Variants in FAM107B observed in about 807,000 individuals in gnomAD.
FAM107B encodes family with sequence similarity 107 member B, also known as protein FAM107B.
In FAM107B, 21 loss-of-function variants were observed where a neutral mutation model predicts 31.5. The ratio of observed to expected loss-of-function variants is 0.67; its 90% CI spans 0.47 to 0.96. The LOEUF (loss-of-function observed/expected upper bound fraction) is 0.96. Ranked by LOEUF, FAM107B falls within the 40% of genes least tolerant of loss-of-function variation. The probability of loss-of-function intolerance (pLI) is 0.00; values close to 1 mark genes in which losing one functional copy is unlikely to be tolerated. For synonymous variants in FAM107B, 157 were observed against 141.5 expected (o/e 1.11, Z -0.78); for missense variants, 452 against 377.1 (o/e 1.20, Z -1.64).
At position 14,683,071 on chromosome 10, in the gene FAM107B, T is replaced by A. The variant is rs976149212; in HGVS notation, c.412-15380A>T. Among the ~76,000 whole-genome samples, 5 of 152,070 alleles carry A rather than the reference T, an allele frequency of 3.3e-5. No individual in the cohort carries two copies. The East Asian group carries it at 5.8e-4, about 18-fold the overall frequency. On this transcript the variant is annotated intron_variant, in intron 1 of 4. Transcript: ENST00000181796. ...CAATGTGGGACTGGCAGGGTGAAGA[T>A]GTTGTCTAAAGGTGCAATGTGTACT...
intron 1 of FAM107B, among the ~76,000 whole-genome samples, chr10:14,681,938 G>C (rs556540327): frequency 6.6e-6 from 1 of 152,102 alleles, no homozygotes; most frequent in South Asian, 2.1e-4. Context: ...AGTCAATTGC[G>C]GGCACCTATA....
At chr10:14,585,816 C>G (rs540947961) in intron 2 of FAM107B, among the ~76,000 whole-genome samples, 2 of 152,296 alleles carry the variant, frequency 1.3e-5, no homozygotes, top group East Asian at 3.9e-4. Flanking sequence ...TCTCTGCAAC[C>G]AAGTACTCGT....
At chr10:14,719,889 T>C (rs901282362) in intron 1 of FAM107B, among the ~76,000 whole-genome samples, 1 of 152,210 alleles carries the variant, frequency 6.6e-6, no homozygotes, top group Admixed American at 6.5e-5. Context: ...CAGCTCTTCT[T>C]ATGCTGTTGT....
At chr10:14,655,778 C>T (rs1282229922) in intron 2 of FAM107B, among the ~76,000 whole-genome samples, 1 of 152,194 alleles carries the variant, frequency 6.6e-6, no homozygotes, top group Non-Finnish European at 1.5e-5. Context: ...GGGACTGAGG[C>T]TTAACCCTCC....
intron 3 of FAM107B, among the ~76,000 whole-genome samples, chr10:14,527,683 A>G (rs1353818230): frequency 6.6e-6 from 1 of 152,250 alleles, no homozygotes; most frequent in Non-Finnish European, 1.5e-5. Context: ...ATGAGACAAA[A>G]TGTAGGAAGA....
chr10:14,536,034 C>T (rs1445456879), intron 2 of FAM107B, among the ~76,000 whole-genome samples: 1 of 152,244 alleles, frequency 6.6e-6, no homozygotes, highest in African/African-American at 2.4e-5. Flanking sequence ...ACTTTCACAA[C>T]TGGGCTGATA....
intron 1 of FAM107B, among the ~76,000 whole-genome samples, chr10:14,738,304 G>C (rs1461372465): frequency 6.6e-6 from 1 of 152,078 alleles, no homozygotes; most frequent in African/African-American, 2.4e-5. Flanking sequence ...TGGGAGTTAG[G>C]GAAAAGATAA....
intron 2 of FAM107B, among the ~76,000 whole-genome samples, chr10:14,601,850 A>G (rs1264422496): frequency 1.3e-5 from 2 of 152,242 alleles, no homozygotes; most frequent in African/African-American, 4.8e-5. Context: ...CCATTCCCAA[A>G]GAAAATCAGT....
At chr10:14,730,261 A>G (rs970170283) in intron 1 of FAM107B, among the ~76,000 whole-genome samples, 5 of 152,222 alleles carry the variant, frequency 3.3e-5, no homozygotes, top group African/African-American at 1.2e-4. Context: ...AAATGGTCTG[A>G]GATGTCACAT....
chr10:14,582,903 T>C (rs898174036), intron 2 of FAM107B, among the ~76,000 whole-genome samples: 3 of 151,904 alleles, frequency 2.0e-5, no homozygotes, highest in African/African-American at 4.8e-5. Flanking sequence ...CTGGCCAACA[T>C]GGCAAAACCC....
intron 2 of FAM107B, among the ~76,000 whole-genome samples, chr10:14,641,792 G>A (rs1853635455): frequency 6.6e-6 from 1 of 152,112 alleles, no homozygotes; most frequent in African/African-American, 2.4e-5. Flanking sequence ...GGGGCAGGAG[G>A]GAGACATAAT....
At chr10:14,737,833 A>C (rs112011788) in intron 1 of FAM107B, among the ~76,000 whole-genome samples, 1 of 145,374 alleles carries the variant, frequency 6.9e-6, no homozygotes, top group African/African-American at 2.6e-5. Flanking sequence ...AGCCACAAGC[A>C]CTGTGCCTCA....
intron 1 of FAM107B, among the ~76,000 whole-genome samples, chr10:14,687,833 A>G (rs915494026): frequency 6.6e-6 from 1 of 152,232 alleles, no homozygotes; most frequent in Non-Finnish European, 1.5e-5. Context: ...ATGCATGCAC[A>G]ACCACACACA....
intron 2 of FAM107B, among the ~76,000 whole-genome samples, chr10:14,611,698 A>G (rs1181818767): frequency 6.6e-6 from 1 of 151,874 alleles, no homozygotes; most frequent in African/African-American, 2.4e-5. Flanking sequence ...TCTGTAGTCC[A>G]GAAGTGGCAC....
At chr10:14,696,419 G>C (rs1855266691) in intron 1 of FAM107B, among the ~76,000 whole-genome samples, 1 of 152,088 alleles carries the variant, frequency 6.6e-6, no homozygotes, top group Non-Finnish European at 1.5e-5. Context: ...TTTTGCATCA[G>C]TATTCATCAG....
chr10:14,691,964 C>T (rs1280655055), intron 1 of FAM107B, among the ~76,000 whole-genome samples: 1 of 151,436 alleles, frequency 6.6e-6, no homozygotes, highest in African/African-American at 2.4e-5. Context: ...GGAGCGAAGA[C>T]CCCATGCTTC....
At chr10:14,629,467 ATTT>A (rs1853288719) in intron 2 of FAM107B, among the ~76,000 whole-genome samples, 4 of 88,702 alleles carry the variant, frequency 4.5e-5, no homozygotes, top group Non-Finnish European at 6.0e-5. Context: ...TTATATATAT[ATTT>A]AATATATATA....
chr10:14,539,435 T>TA (rs1351055646), intron 2 of FAM107B, among the ~76,000 whole-genome samples: 3 of 151,964 alleles, frequency 2.0e-5, no homozygotes, highest in Non-Finnish European at 2.9e-5. Flanking sequence ...GCATCTTGGC[T>TA]AAAAAGAGGC....
At chr10:14,584,789 C>A (rs1331116544) in intron 2 of FAM107B, among the ~76,000 whole-genome samples, 1 of 152,204 alleles carries the variant, frequency 6.6e-6, no homozygotes, top group Non-Finnish European at 1.5e-5. Flanking sequence ...TTGCAACCCC[C>A]ACCTTTTCTG....
Sources: allele counts gnomAD v4.1 joint callset (sites outside exome capture counted in the v4.1 genomes callset), GRCh38; gene constraint gnomAD v4.1.1; transcripts MANE v1.5; gene names NCBI Gene and HGNC (gene_info 2026-07-23, HGNC 2026-07-21).